The following WDR7 variants were observed in gnomAD, a reference collection of about 807,000 sequenced individuals.
WDR7 encodes the protein WD repeat-containing protein 7.
WDR7 carries 46 observed loss-of-function variants against 169.4 expected under a neutral mutation model. The ratio of observed to expected loss-of-function variants is 0.27; its 90% CI spans 0.21 to 0.35. WDR7 has a LOEUF of 0.35. Among genes scored for constraint, WDR7 ranks in the 10% least tolerant of loss-of-function variants. The pLI is 1.00. For synonymous variants in WDR7, 612 were observed against 666.8 expected (o/e 0.92, Z 1.27); for missense variants, 1,534 against 1,859.3 (o/e 0.83, Z 3.22).
intron 26 of WDR7, among the ~76,000 whole-genome samples, chr18:56,991,615 C>T (rs1190287760): frequency 1.3e-5 from 2 of 152,142 alleles, no homozygotes; most frequent in African/African-American, 4.8e-5. Flanking sequence ...CAACACTGAG[C>T]CTGTGGGCAG....
chr18:56,691,123 A>G, intron 7 of WDR7, 93 bp from the exon 8 acceptor site: 1 of 1,518,442 alleles, frequency 6.6e-7, no homozygotes, highest in East Asian at 2.4e-5. Context: ...TTCTAAATAC[A>G]TTTCCAGGCT....
At chr18:56,991,567 T>G (rs1020249378) in intron 26 of WDR7, among the ~76,000 whole-genome samples, 1 of 152,182 alleles carries the variant, frequency 6.6e-6, no homozygotes, top group Non-Finnish European at 1.5e-5. Context: ...TCTAAAAATT[T>G]TAGACATTAT....
intron 11 of WDR7, among the ~76,000 whole-genome samples, chr18:56,695,628 C>T (rs2025684449): frequency 6.6e-6 from 1 of 151,526 alleles, no homozygotes; most frequent in Admixed American, 6.6e-5. Context: ...ATCTCTGCCT[C>T]CTGAGTTCAA....
chr18:56,848,665 G>A (rs1404309817), intron 20 of WDR7, among the ~76,000 whole-genome samples: 3 of 152,058 alleles, frequency 2.0e-5, no homozygotes, highest in Non-Finnish European at 2.9e-5. Context: ...CCCTCCTCAT[G>A]GTTATGAGTG....
At chr18:56,849,863 A>T (rs1054823728) in intron 20 of WDR7, among the ~76,000 whole-genome samples, 2 of 152,190 alleles carry the variant, frequency 1.3e-5, no homozygotes, top group African/African-American at 2.4e-5. Context: ...GCATGCCATT[A>T]TGCCTGGCCC....
At chr18:56,874,786 A>G (rs1003454918) in intron 20 of WDR7, among the ~76,000 whole-genome samples, 15 of 152,200 alleles carry the variant, frequency 9.9e-5, no homozygotes, top group Non-Finnish European at 1.5e-4. Flanking sequence ...GAAAAAGAAT[A>G]AAGTGTGATG....
chr18:56,851,888 A>AGT (rs1295706797), intron 20 of WDR7, among the ~76,000 whole-genome samples: 5 of 152,216 alleles, frequency 3.3e-5, no homozygotes, highest in Admixed American at 1.3e-4. Flanking sequence ...ATGCTTATAA[A>AGT]GTATGGCTTT....
intron 12 of WDR7, among the ~76,000 whole-genome samples, chr18:56,705,323 T>G (rs2025924472): frequency 6.6e-6 from 1 of 151,694 alleles, no homozygotes; most frequent in South Asian, 2.1e-4. Context: ...TAATATTTAG[T>G]CTAATGAGGG....
At position 56,962,550 on chromosome 18, in the gene WDR7, TCCTCTCC is replaced by T. The variant is rs761733101; in HGVS notation, c.4164+22_4164+28del. On this transcript the variant is annotated intron_variant, in intron 26 of 27. Transcript: ENST00000254442. ...GTCAGGTAAATAAATCATTGTGACTTCCTCTCCATAAAGCGTGGAAGTTATTGAAAGG... is the reference window on the plus strand; with the variant it reads ...GTCAGGTAAATAAATCATTGTGACTTATAAAGCGTGGAAGTTATTGAAAGG... The T allele has an allele frequency of 2.5e-6, 4 of 1,606,388 alleles. No individual in the cohort carries two copies. In the African/African-American group the frequency reaches 5.4e-5, roughly 22 times the overall value.
At chr18:56,710,390 G>A (rs1462386848) in intron 12 of WDR7, among the ~76,000 whole-genome samples, 1 of 152,040 alleles carries the variant, frequency 6.6e-6, no homozygotes, top group Non-Finnish European at 1.5e-5. Flanking sequence ...ACAGTTTCCT[G>A]TGCATATTGC....
intron 26 of WDR7, among the ~76,000 whole-genome samples, chr18:57,009,640 TAAAC>T (rs1415659073): frequency 2.0e-5 from 3 of 152,232 alleles, no homozygotes; most frequent in African/African-American, 7.2e-5. Context: ...TTATCCAAAA[TAAAC>T]ATGAATCCAA....
intron 19 of WDR7, among the ~76,000 whole-genome samples, chr18:56,807,479 A>G (rs972058551): frequency 7.9e-5 from 12 of 152,288 alleles, no homozygotes; most frequent in African/African-American, 2.9e-4. Flanking sequence ...ATCAGGCTTG[A>G]TTTTTTAAAT....
rs574515963 is a variant in WDR7 at position 56,983,570 on chromosome 18, C to CAGAG, written c.4164+21065_4164+21068dup. Reference sequence around the variant, plus strand: ...ATATTTCAATAAACACACACACACACAGAGAGAGAGAGAGAGAGAGAGAGA... The same window carrying CAGAG: ...ATATTTCAATAAACACACACACACACAGAGAGAGAGAGAGAGAGAGAGAGAGAGA... On this transcript the variant is annotated intron_variant, in intron 26 of 27. Coordinates refer to ENST00000254442, the MANE Select transcript of WDR7 (RefSeq NM_015285.3). Among the ~76,000 whole-genome samples, 51 of 60,934 alleles carry CAGAG rather than the reference C, an allele frequency of 8.4e-4. 2 individuals are homozygous for CAGAG. Among genetic ancestry groups the CAGAG allele is most frequent in the East Asian group, 2.9e-3 (10 of 3,486 alleles). 40.0% of individuals were successfully genotyped at this position (60,934 alleles called of 152,430 possible).
intron 20 of WDR7, among the ~76,000 whole-genome samples, chr18:56,828,255 T>A (rs1568218208): frequency 6.6e-6 from 1 of 152,230 alleles, no homozygotes; most frequent in Non-Finnish European, 1.5e-5. Flanking sequence ...TCTTAAACAC[T>A]TTTATATTGA....
intron 21 of WDR7, among the ~76,000 whole-genome samples, chr18:56,883,463 C>T (rs1339190357): frequency 6.7e-6 from 1 of 149,476 alleles, no homozygotes; most frequent in Non-Finnish European, 1.5e-5. Flanking sequence ...TATCTGTTTA[C>T]AGTTTTTTTA....
At chr18:56,720,628 A>G (rs1312402648) in intron 13 of WDR7, among the ~76,000 whole-genome samples, 1 of 152,196 alleles carries the variant, frequency 6.6e-6, no homozygotes, top group African/African-American at 2.4e-5. Flanking sequence ...TACTATAAAT[A>G]TATTTGTGAA....
intron 12 of WDR7, among the ~76,000 whole-genome samples, chr18:56,714,862 A>G (rs967712982): frequency 2.0e-5 from 3 of 151,952 alleles, no homozygotes; most frequent in African/African-American, 7.3e-5. Context: ...ATGAAAAGCT[A>G]GAATCTTGGT....
intron 26 of WDR7, among the ~76,000 whole-genome samples, chr18:57,008,530 T>C (rs2048096798): frequency 6.6e-6 from 1 of 152,196 alleles, no homozygotes; most frequent in Admixed American, 6.5e-5. Flanking sequence ...ACGGGAGTGC[T>C]GGCCGTTTTC....
At chr18:56,993,212 T>G (rs1362955931) in intron 26 of WDR7, among the ~76,000 whole-genome samples, 1 of 152,228 alleles carries the variant, frequency 6.6e-6, no homozygotes, top group Non-Finnish European at 1.5e-5. Context: ...ATACTCAGAT[T>G]GTTTAAATAT....
Sources: allele counts gnomAD v4.1 joint callset (sites outside exome capture counted in the v4.1 genomes callset), GRCh38; gene constraint gnomAD v4.1.1; transcripts MANE v1.5; gene names NCBI Gene and HGNC (gene_info 2026-07-23, HGNC 2026-07-21).